PARVB: variants seen among roughly 807,000 people sequenced by gnomAD.
The protein encoded by PARVB is beta-parvin.
PARVB carries 46 observed loss-of-function variants against 47.0 expected under a neutral mutation model. That is an observed-to-expected ratio of 0.98 (90% confidence interval 0.77 to 1.25). The LOEUF (loss-of-function observed/expected upper bound fraction) is 1.25, where lower values mean the gene tolerates loss of function less well. Among genes scored for constraint, PARVB ranks in the 50% most tolerant of loss-of-function variants. PARVB has a pLI of 0.00. For missense variants in PARVB, 473 were observed against 471.6 expected, an observed-to-expected ratio of 1.00 and a Z score of -0.03; for synonymous variants, 196 against 196.3, an observed-to-expected ratio of 1.00 and a Z score of 0.01.
intron 1 of PARVB, among the ~76,000 whole-genome samples, chr22:44,063,666 G>A (rs1043936608): frequency 2.0e-5 from 3 of 152,104 alleles, no homozygotes; most frequent in Non-Finnish European, 4.4e-5. Context: ...GGGGCACAGT[G>A]ATCCCCAGAG....
intron 4 of PARVB, among the ~76,000 whole-genome samples, chr22:44,123,848 T>C (rs940469592): frequency 9.2e-5 from 14 of 152,364 alleles, no homozygotes; most frequent in Admixed American, 8.5e-4. Context: ...CTCCTTTTCA[T>C]GTCTGTCCAC....
At chr22:44,061,236 C>G (rs1329641885) in intron 1 of PARVB, among the ~76,000 whole-genome samples, 1 of 152,154 alleles carries the variant, frequency 6.6e-6, no homozygotes, top group Non-Finnish European at 1.5e-5. Flanking sequence ...CGAGACCAGC[C>G]TAGCTAACAT....
chr22:44,085,535 C>G (rs2052004703), intron 1 of PARVB, among the ~76,000 whole-genome samples: 1 of 152,180 alleles, frequency 6.6e-6, no homozygotes, highest in African/African-American at 2.4e-5. Context: ...AACTCCTGAG[C>G]TCAAGCCATC....
intron 1 of PARVB, among the ~76,000 whole-genome samples, chr22:44,051,412 G>A (rs987695801): frequency 2.6e-5 from 4 of 152,162 alleles, no homozygotes; most frequent in Non-Finnish European, 5.9e-5. Flanking sequence ...CGCCTGGCTG[G>A]CCTCAGTGAA....
intron 2 of PARVB, among the ~76,000 whole-genome samples, chr22:44,004,398 C>A (rs542758861): frequency 2.0e-4 from 30 of 150,020 alleles, no homozygotes; most frequent in Non-Finnish European, 3.2e-4. Context: ...CAAAGTGTGA[C>A]CCCCCCCTTA....
chr22:44,132,997 G>T lies in PARVB; in HGVS notation c.621G>T (p.Val207=). ...TTCCTGAGCATGTAACGGTGCAGGT[G>T]GTGGTCGTGCGGGTGAGTATAACCG... is the stretch of plus-strand genomic sequence containing the variant. The part of the protein sequence containing the change: ...IRLPEHVTVQ[V]VVVRKREGLL... Residue 207 remains valine (V), a synonymous_variant, in exon 6 of 13, where the codon GTG becomes GTT. Transcript: ENST00000338758. The T allele has an allele frequency of 1.2e-6, 2 of 1,613,318 alleles. No individual in the cohort carries two copies. Among genetic ancestry groups the T allele is most frequent in the Non-Finnish European group, 8.5e-7 (1 of 1,179,464 alleles).
intron 1 of PARVB, among the ~76,000 whole-genome samples, chr22:44,036,527 T>A (rs2050925409): frequency 6.6e-6 from 1 of 152,190 alleles, no homozygotes; most frequent in Non-Finnish European, 1.5e-5. Context: ...TTTTTCAAAT[T>A]GTCACAAATC....
At chr22:44,123,469 G>C (rs940644687) in intron 4 of PARVB, among the ~76,000 whole-genome samples, 3 of 152,170 alleles carry the variant, frequency 2.0e-5, no homozygotes, top group African/African-American at 7.2e-5. Flanking sequence ...CCTGGAGTGT[G>C]GGGGTACAAT....
chr22:44,124,608 C>T (rs1365010162), intron 4 of PARVB, among the ~76,000 whole-genome samples: 9 of 146,510 alleles, frequency 6.1e-5, no homozygotes, highest in East Asian at 2.0e-4. Flanking sequence ...AGGGTCTCCC[C>T]GTGGGCCATC....
intron 1 of PARVB, among the ~76,000 whole-genome samples, chr22:44,039,612 T>C (rs910812018): frequency 2.6e-5 from 4 of 151,426 alleles, no homozygotes; most frequent in Non-Finnish European, 4.4e-5. Context: ...AGCAGCTTCA[T>C]TCATAAGAGC....
chr22:44,133,518 A>G (rs533764132), intron 6 of PARVB, among the ~76,000 whole-genome samples: 1 of 152,200 alleles, frequency 6.6e-6, no homozygotes, highest in South Asian at 2.1e-4. Flanking sequence ...TTCTCTTGCT[A>G]TTTCCCTTAC....
At chr22:44,151,863 A>G (rs951452774) in intron 10 of PARVB, 1 of 302,072 alleles carries the variant, frequency 3.3e-6, no homozygotes, top group African/African-American at 2.1e-5. Flanking sequence ...GTGAGGGAGG[A>G]GCTGTTCCTG....
At chr22:44,030,723 T>C (rs2050811240) in intron 1 of PARVB, among the ~76,000 whole-genome samples, 1 of 151,634 alleles carries the variant, frequency 6.6e-6, no homozygotes, top group Non-Finnish European at 1.5e-5. Context: ...GATGCTGAAA[T>C]GAAAAAGGAC....
intron 2 of PARVB, among the ~76,000 whole-genome samples, chr22:44,003,999 G>A (rs1438194833): frequency 6.6e-6 from 1 of 152,226 alleles, no homozygotes; most frequent in African/African-American, 2.4e-5. Flanking sequence ...TCTGTTTGGA[G>A]AACTTTGCCA....
At chr22:44,153,503 G>C (rs978174170) in intron 10 of PARVB, 25 of 152,090 alleles carry the variant, frequency 1.6e-4, no homozygotes, top group African/African-American at 6.0e-4. Context: ...TAATTTTTTT[G>C]TATTTTTAGT....
chr22:44,166,398 C>T (rs2054167904), intron 12 of PARVB, among the ~76,000 whole-genome samples: 1 of 152,254 alleles, frequency 6.6e-6, no homozygotes, highest in African/African-American at 2.4e-5. Flanking sequence ...GTGTGAGCCA[C>T]CACACCTGGC....
upstream of PARVB, chr22:44,024,226 GCGGGGGCGGGAC>G (rs1184326186): frequency 2.6e-6 from 1 of 380,546 alleles, no homozygotes; most frequent in African/African-American, 2.2e-5. Flanking sequence ...CAGGCCAGGG[GCGGGGGCGGGAC>G]CGGGGCGGGG....
At chr22:44,084,923 A>C (rs2051990599) in intron 1 of PARVB, among the ~76,000 whole-genome samples, 1 of 152,096 alleles carries the variant, frequency 6.6e-6, no homozygotes, top group Non-Finnish European at 1.5e-5. Context: ...CCATTCTTGT[A>C]GCTTTATTTT....
rs568311073 is a variant in PARVB, at chr22:44,170,201, A to T, written c.*1523A>T. ...TTTTTTGTAGAGATGGGGTTTCACC[A>T]TGTTGCCCAGGCTGTTCTCAAACCC... On this transcript the variant is annotated 3_prime_UTR_variant, in exon 13 of 13. Coordinates refer to ENST00000338758, the MANE Select transcript of PARVB (RefSeq NM_013327.5). 2 of 151,310 alleles carry T rather than the reference A, an allele frequency of 1.3e-5. No individual in the cohort carries two copies. The highest frequency in any genetic ancestry group is 2.9e-5 in the Non-Finnish European group (2 of 67,892). 9.4% of individuals were successfully genotyped at this position (151,310 alleles called of 1,614,324 possible).
Sources: gnomAD v4.1 joint callset for allele counts (sites outside exome capture counted in the v4.1 genomes callset) on GRCh38, gnomAD v4.1.1 for gene constraint, MANE v1.5 for transcripts, NCBI Gene and HGNC (gene_info 2026-07-23, HGNC 2026-07-21) for gene names.